The following GRK1 variants were observed in gnomAD, a reference collection of about 807,000 sequenced individuals.
GRK1 encodes the protein rhodopsin kinase GRK1.
Under a neutral mutation model 41.7 loss-of-function variants are expected in GRK1, and 28 were observed. The observed-to-expected ratio is 0.67, with a 90% confidence interval of 0.50 to 0.92. The LOEUF (loss-of-function observed/expected upper bound fraction) is 0.92, where lower values mean the gene tolerates loss of function less well. Among genes scored for constraint, GRK1 ranks in the 40% least tolerant of loss-of-function variants. The pLI, the probability that GRK1 is intolerant of heterozygous loss-of-function variation, is 0.00. For synonymous variants in GRK1, 327 were observed against 286.7 expected (o/e 1.14, Z -1.42); for missense variants, 703 against 671.2 (o/e 1.05, Z -0.52).
chr13:113,733,794 T>TGCGC (rs1491394717), intron 6 of GRK1, among the ~76,000 whole-genome samples: 1 of 110,898 alleles, frequency 9.0e-6, no homozygotes, highest in Admixed American at 8.5e-5. Context: ...TGCATGTGTG[T>TGCGC]ATGTGTATCT....
rs553749927 is a variant in GRK1, at chr13:113,734,041, T to C, written c.1396+956T>C. On this transcript the variant is annotated intron_variant, in intron 6 of 6. Coordinates refer to ENST00000335678, the MANE Select transcript of GRK1 (RefSeq NM_002929.3). ...GTGTGTGCGTGCGTGTGCGTATGTG[T>C]GTGTGCATACGTGTGTGTGCATGTG... is the stretch of plus-strand genomic sequence containing the variant. Among the ~76,000 whole-genome samples, 12 of 151,760 alleles carry C rather than the reference T, an allele frequency of 7.9e-5. No individual in the cohort carries two copies. In the South Asian group the frequency reaches 1.3e-3, roughly 16 times the overall value.
the GRK1 span, chr13:113,654,712 T>A: frequency 1.4e-6 from 2 of 1,479,428 alleles, no homozygotes; most frequent in Non-Finnish European, 1.8e-6. Context: ...TTCCCTGGGC[T>A]TCATTTCTGG....
At chr13:113,663,225 G>A (rs2049800256), upstream of GRK1, among the ~76,000 whole-genome samples, 2 of 152,142 alleles carry the variant, frequency 1.3e-5, no homozygotes, top group South Asian at 4.1e-4. Flanking sequence ...AGGCGCAAAA[G>A]GAATTCAATG....
chr13:113,733,979 CAT>C (rs879387638), intron 6 of GRK1, among the ~76,000 whole-genome samples: 9,258 of 102,168 alleles, frequency 0.091, 492 homozygotes, highest in Middle Eastern at 0.22. Flanking sequence ...CGTGTGTGCG[CAT>C]GTGTGTGCAT....
chr13:113,732,594 C>T (rs2049944942), intron 5 of GRK1, among the ~76,000 whole-genome samples: 1 of 152,246 alleles, frequency 6.6e-6, no homozygotes, highest in African/African-American at 2.4e-5. Flanking sequence ...CCGCGCTGGC[C>T]TTCAGTTTCC....
At chr13:113,651,679 C>T in the GRK1 span, 24 of 1,613,114 alleles carry the variant, frequency 1.5e-5, no homozygotes, top group South Asian at 2.2e-5. Context: ...ACCAGGAAGG[C>T]GCAGTCCACT....
At chr13:113,723,341 G>A (rs921680958) in intron 4 of GRK1, among the ~76,000 whole-genome samples, 184 bp downstream of exon 4, 3 of 152,014 alleles carry the variant, frequency 2.0e-5, no homozygotes, top group Non-Finnish European at 2.9e-5. Flanking sequence ...TGATATCTGA[G>A]GCAGGTACCA....
At chr13:113,723,631 C>G (rs1400671522) in intron 4 of GRK1, among the ~76,000 whole-genome samples, 1 of 152,176 alleles carries the variant, frequency 6.6e-6, no homozygotes, top group Non-Finnish European at 1.5e-5. Flanking sequence ...TCTCAGTGAA[C>G]AGAGGGCTCA....
At chr13:113,672,329 T>C (rs1339464357) in intron 3 of GRK1, among the ~76,000 whole-genome samples, 1 of 66,152 alleles carries the variant, frequency 1.5e-5, no homozygotes, top group Non-Finnish European at 3.1e-5. Context: ...ACTTGGTATG[T>C]GTATGTGTGG....
At chr13:113,653,190 C>T in the GRK1 span, 81 of 1,415,718 alleles carry the variant, frequency 5.7e-5, no homozygotes, top group African/African-American at 3.3e-4. Context: ...AAGGCCGAAG[C>T]TGTGGAGCCG....
In GRK1 at chr13:113,672,744, T is replaced by C. The variant is rs2049865391; in HGVS notation, c.985+1088T>C. Among the ~76,000 whole-genome samples the C allele has an allele frequency of 4.0e-5, 3 of 74,324 alleles. No individual in the cohort carries two copies. The South Asian group carries it at 1.9e-3, about 47-fold the overall frequency. The allele number at this position is 74,324 out of a possible 152,430, so 48.8% of individuals were successfully genotyped here. A position where few individuals can be genotyped will look rare whatever the true frequency, so the allele number is the denominator to read the frequency against. On this transcript the variant is annotated intron_variant, in intron 3 of 6. Coordinates refer to ENST00000335678, the MANE Select transcript of GRK1 (RefSeq NM_002929.3). ...GGGTTTTGCCAATATTGTGTCTATT[T>C]ACCTCAACCTAATTGTTTGTATCAC...
At chr13:113,734,278 G>C (rs1413859230) in intron 6 of GRK1, among the ~76,000 whole-genome samples, 6 of 152,218 alleles carry the variant, frequency 3.9e-5, no homozygotes, top group Non-Finnish European at 8.8e-5. Flanking sequence ...AGGTGCCCTG[G>C]GCAGGCCCAG....
upstream of GRK1, among the ~76,000 whole-genome samples, chr13:113,662,294 A>C (rs975504464): frequency 5.3e-5 from 8 of 152,226 alleles, no homozygotes; most frequent in Admixed American, 4.6e-4. Flanking sequence ...CAGCAAACCA[A>C]GAGTAGAAGG....
intron 4 of GRK1, among the ~76,000 whole-genome samples, chr13:113,725,299 CTAGTTTGAGG>C (rs2049884526): frequency 6.7e-6 from 1 of 149,156 alleles, no homozygotes; most frequent in African/African-American, 2.5e-5. Flanking sequence ...ATGCGCGGTC[CTAGTTTGAGG>C]TCAGGGGCGG....
Position 113,731,183 on chromosome 13 carries a change from G to A in GRK1, c.1070-36G>A, listed in dbSNP as rs749443372. 24 of 1,532,450 alleles carry A rather than the reference G, an allele frequency of 1.6e-5. No individual in the cohort carries two copies. In the Middle Eastern group the frequency reaches 5.0e-4, roughly 32 times the overall value. 94.9% of individuals were successfully genotyped at this position (1,532,450 alleles called of 1,614,324 possible). A position where few individuals can be genotyped will look rare whatever the true frequency, so the allele number is the denominator to read the frequency against. On this transcript the variant is annotated intron_variant, in intron 4 of 6. Coordinates refer to ENST00000335678, the MANE Select transcript of GRK1 (RefSeq NM_002929.3). This position sits in a 1 kb window ranked among gnomAD's most constrained non-coding sequence, Gnocchi z 5.6. ...TGGAGTGCGTGCCCACCATGGAGGTGACCACCTCTGAACCCGCAATGTCCC... is the reference window on the plus strand; with the variant it reads ...TGGAGTGCGTGCCCACCATGGAGGTAACCACCTCTGAACCCGCAATGTCCC...
intron 6 of GRK1, among the ~76,000 whole-genome samples, chr13:113,733,897 GTA>G (rs751639278): frequency 0.047 from 5,368 of 114,136 alleles, 198 homozygotes; most frequent in Middle Eastern, 0.072. Flanking sequence ...GTGCGTGTGT[GTA>G]TGTGTGCATA....
At chr13:113,653,787 T>C in the GRK1 span, among the ~76,000 whole-genome samples, 14 of 152,180 alleles carry the variant, frequency 9.2e-5, no homozygotes, top group African/African-American at 1.9e-4. Flanking sequence ...TTAAAAAAAA[T>C]CTTCACTGGT....
Position 113,735,117 on chromosome 13 carries a change from G to C in GRK1, c.1446G>C (p.Lys482Asn). ...FIPDSKTVYA[K>N]DIQDVGAFST... Reference sequence around the variant, plus strand: ...CAGACTCCAAAACTGTCTACGCAAAGGATATTCAGGACGTGGGTGCCTTTT... The same window carrying C: ...CAGACTCCAAAACTGTCTACGCAAACGATATTCAGGACGTGGGTGCCTTTT... Residue 482 changes from lysine (K) to asparagine (N), a missense_variant, in exon 7 of 7, where the codon AAG becomes AAC. By Grantham distance (94) the Lys-to-Asn change is moderately conservative. Transcript: ENST00000335678. 2 of 1,536,904 alleles carry C rather than the reference G, an allele frequency of 1.3e-6. No individual in the cohort carries two copies. Among genetic ancestry groups the C allele is most frequent in the Non-Finnish European group, 1.7e-6 (2 of 1,146,662 alleles).
rs1408277586 is a variant in GRK1 at position 113,727,884 on chromosome 13, GATGAGGAGTACCCATGGCA to G, written c.1070-3316_1070-3298del. Among the ~76,000 whole-genome samples, 424 of 86,924 alleles carry G rather than the reference GATGAGGAGTACCCATGGCA, an allele frequency of 4.9e-3. 31 individuals are homozygous for G. Among genetic ancestry groups the G allele is most frequent in the Non-Finnish European group, 5.8e-3 (220 of 37,826 alleles). 57.0% of individuals were successfully genotyped at this position (86,924 alleles called of 152,430 possible). A position where few individuals can be genotyped will look rare whatever the true frequency, so the allele number is the denominator to read the frequency against. The stretch of plus-strand genomic sequence containing the variant: ...ACCCATGGCGATGAGTACCCATTGC[GATGAGGAGTACCCATGGCA>G]ATGAGGAGTACCCATGGCGATGAGG... On this transcript the variant is annotated intron_variant, in intron 4 of 6. Transcript: ENST00000335678.
Sources: gnomAD v4.1 joint callset for allele counts (sites outside exome capture counted in the v4.1 genomes callset) on GRCh38, gnomAD v4.1.1 for gene constraint, Gnocchi (gnomAD v3.1) non-coding constraint, MANE v1.5 for transcripts, NCBI Gene and HGNC (gene_info 2026-07-23, HGNC 2026-07-21) for gene names.